The following GFRA2 variants were observed in gnomAD, a reference collection of about 807,000 sequenced individuals.
GFRA2 encodes the protein GDNF family receptor alpha 2.
GFRA2 carries 17 observed loss-of-function variants against 48.3 expected under a neutral mutation model. That is an observed-to-expected ratio of 0.35 (90% CI 0.24 to 0.53). GFRA2 has a LOEUF of 0.53. Among genes scored for constraint, GFRA2 ranks in the 20% least tolerant of loss-of-function variants. The probability of loss-of-function intolerance (pLI) is 0.93; values close to 1 mark genes in which losing one functional copy is unlikely to be tolerated. For missense variants in GFRA2, 660 were observed against 637.3 expected (o/e 1.04, Z -0.38); for synonymous variants, 305 against 257.2 (o/e 1.19, Z -1.78).
intron 4 of GFRA2, among the ~76,000 whole-genome samples, chr8:21,726,357 G>T (rs573659737): frequency 1.3e-5 from 2 of 152,204 alleles, no homozygotes; most frequent in African/African-American, 4.8e-5. Context: ...TCCTTCTCTG[G>T]CTGGTGACAG....
intron 4 of GFRA2, among the ~76,000 whole-genome samples, chr8:21,721,395 T>C (rs1027496487): frequency 6.6e-6 from 1 of 152,120 alleles, no homozygotes; most frequent in Non-Finnish European, 1.5e-5. Flanking sequence ...GCACCACTCT[T>C]AACATGAAGA....
intron 8 of GFRA2, 103 bp downstream of exon 8, chr8:21,694,361 A>C: frequency 1.8e-6 from 2 of 1,104,714 alleles, no homozygotes; most frequent in East Asian, 2.6e-5. Flanking sequence ...GGCCCAGCCC[A>C]TGCGATGAGA....
intron 2 of GFRA2, among the ~76,000 whole-genome samples, chr8:21,795,138 C>G (rs1160572187): frequency 5.9e-5 from 9 of 152,150 alleles, no homozygotes; most frequent in African/African-American, 2.2e-4. Flanking sequence ...GCTGCTGCAG[C>G]TCCCATGGGG....
intron 3 of GFRA2, among the ~76,000 whole-genome samples, chr8:21,754,949 G>A (rs1322124300): frequency 6.6e-6 from 1 of 152,160 alleles, no homozygotes; most frequent in Non-Finnish European, 1.5e-5. Flanking sequence ...AAAGGACACG[G>A]AGAAAACCTA....
intron 3 of GFRA2, among the ~76,000 whole-genome samples, chr8:21,752,134 T>A (rs1363236249): frequency 6.6e-6 from 1 of 152,134 alleles, no homozygotes; most frequent in Non-Finnish European, 1.5e-5. Context: ...GATTTTGCTG[T>A]CTTCTAGACC....
chr8:21,708,138 C>T (rs1802841712), intron 4 of GFRA2, among the ~76,000 whole-genome samples: 1 of 152,210 alleles, frequency 6.6e-6, no homozygotes, highest in African/African-American at 2.4e-5. Context: ...CCCTTGAAGG[C>T]CCTTCCAGAG....
intron 4 of GFRA2, among the ~76,000 whole-genome samples, chr8:21,743,444 A>G (rs1311740931): frequency 6.6e-6 from 1 of 152,198 alleles, no homozygotes; most frequent in Non-Finnish European, 1.5e-5. Flanking sequence ...AGAGAACCTG[A>G]GTGAAAAGCT....
chr8:21,739,081 G>A (rs950718426), intron 4 of GFRA2, among the ~76,000 whole-genome samples: 8 of 152,204 alleles, frequency 5.3e-5, no homozygotes, highest in Non-Finnish European at 1.0e-4. Context: ...CCCATGGATG[G>A]AGGGAAGAAG....
chr8:21,806,490 T>C (rs1042315636), intron 1 of GFRA2, among the ~76,000 whole-genome samples: 1 of 152,176 alleles, frequency 6.6e-6, no homozygotes, highest in African/African-American at 2.4e-5. Context: ...TTTGAGATAG[T>C]GTCTTGCTCT....
intron 3 of GFRA2, among the ~76,000 whole-genome samples, 152 bp downstream of exon 3, chr8:21,774,820 G>C (rs1806615102): frequency 6.6e-6 from 1 of 152,194 alleles, no homozygotes; most frequent in African/African-American, 2.4e-5. Context: ...CTTTACAGAG[G>C]AGGAACTGAG....
intron 3 of GFRA2, among the ~76,000 whole-genome samples, chr8:21,752,749 C>T (rs1182843904): frequency 6.6e-6 from 1 of 152,130 alleles, no homozygotes; most frequent in East Asian, 1.9e-4. Context: ...AAACCTGGGG[C>T]TTCCCTCCAC....
intron 4 of GFRA2, among the ~76,000 whole-genome samples, chr8:21,744,241 C>T (rs1804883368): frequency 6.6e-6 from 1 of 152,140 alleles, no homozygotes; most frequent in Non-Finnish European, 1.5e-5. Flanking sequence ...TGAGGACAGC[C>T]TTGAGGGAGG....
chr8:21,754,000 A>T (rs1240908072), intron 3 of GFRA2, among the ~76,000 whole-genome samples: 2 of 152,070 alleles, frequency 1.3e-5, no homozygotes, highest in Non-Finnish European at 2.9e-5. Context: ...CAGCCATACA[A>T]CCACTCTCCT....
chr8:21,761,413 A>C (rs949232998), intron 3 of GFRA2, among the ~76,000 whole-genome samples: 1 of 152,248 alleles, frequency 6.6e-6, no homozygotes, highest in African/African-American at 2.4e-5. Flanking sequence ...CAGAAAAAGC[A>C]GAGACCCTGG....
At chr8:21,754,705 C>T (rs1434688684) in intron 3 of GFRA2, among the ~76,000 whole-genome samples, 1 of 152,020 alleles carries the variant, frequency 6.6e-6, no homozygotes, top group African/African-American at 2.4e-5. Flanking sequence ...GACAGGGTTT[C>T]ACCATGTTAG....
At position 21,788,810 on chromosome 8, in the gene GFRA2, TTCTC is replaced by T. The variant is rs1439056502; in HGVS notation, c.-655_-652del. ...CGTGTGTCTCTGCGTGCGTGTGTCT[TTCTC>T]TCTCCTCTCTCTCTCTCTCCTCTCC... is the stretch of plus-strand genomic sequence containing the variant. On this transcript the variant is annotated 5_prime_UTR_variant, in exon 1 of 9. Coordinates refer to ENST00000524240, the MANE Select transcript of GFRA2 (RefSeq NM_001495.5). 1.0e-6 allele frequency: 1 copy of T among 984,784 alleles called. No individual in the cohort carries two copies. Among genetic ancestry groups the T allele is most frequent in the Non-Finnish European group, 1.2e-6 (1 of 829,442 alleles). 61.0% of individuals were successfully genotyped at this position (984,784 alleles called of 1,614,324 possible).
intron 3 of GFRA2, among the ~76,000 whole-genome samples, chr8:21,763,950 AACACACACAC>A (rs527247743): frequency 0.21 from 25,674 of 122,836 alleles, 3,117 homozygotes; most frequent in Non-Finnish European, 0.26. Flanking sequence ...GTCACTAGGT[AACACACACAC>A]ACACACACAC....
intron 2 of GFRA2, among the ~76,000 whole-genome samples, chr8:21,775,357 A>G (rs1806643635): frequency 6.6e-6 from 1 of 152,216 alleles, no homozygotes; most frequent in Non-Finnish European, 1.5e-5. Context: ...CCCCCTTGGA[A>G]GGACTTGCAG....
intron 4 of GFRA2, among the ~76,000 whole-genome samples, chr8:21,736,930 GGA>G (rs1804494706): frequency 7.8e-6 from 1 of 128,146 alleles, no homozygotes; most frequent in African/African-American, 2.9e-5. Context: ...GGGGAGGGGA[GGA>G]GAGGGGAGGG....
Sources: allele counts gnomAD v4.1 joint callset (sites outside exome capture counted in the v4.1 genomes callset), GRCh38; gene constraint gnomAD v4.1.1; transcripts MANE v1.5; gene names NCBI Gene and HGNC (gene_info 2026-07-23, HGNC 2026-07-21).